Variants in PSD3 observed in about 807,000 individuals in gnomAD.
PSD3 encodes PH and SEC7 domain-containing protein 3.
Under a neutral mutation model 105.5 loss-of-function variants are expected in PSD3, and 49 were observed. That is an observed-to-expected ratio of 0.46 (90% confidence interval 0.37 to 0.59). The LOEUF (loss-of-function observed/expected upper bound fraction) is 0.59. Among genes scored for constraint, PSD3 ranks in the 20% least tolerant of loss-of-function variants. The probability of loss-of-function intolerance (pLI) is 0.00; values close to 1 mark genes in which losing one functional copy is unlikely to be tolerated. For missense variants in PSD3, 1,561 were observed against 1,263.8 expected (o/e 1.24, Z -3.57); for synonymous variants, 557 against 457.8 (o/e 1.22, Z -2.77).
chr8:18,730,646 G>A (rs1028635445), intron 9 of PSD3, among the ~76,000 whole-genome samples: 2 of 152,144 alleles, frequency 1.3e-5, no homozygotes, highest in South Asian at 2.1e-4. Flanking sequence ...GCTATACACT[G>A]TTTACACATA....
At position 18,535,413 on chromosome 8, in the gene PSD3, T is replaced by C. The variant is rs1240958335; in HGVS notation, c.*330A>G. 1.5e-5 allele frequency: 4 copies of C among 263,718 alleles called. No individual in the cohort carries two copies. Among genetic ancestry groups the C allele is most frequent in the South Asian group, 6.7e-5 (1 of 15,000 alleles). The allele number at this position is 263,718 out of a possible 1,614,324, so 16.3% of individuals were successfully genotyped here. On this transcript the variant is annotated 3_prime_UTR_variant, in exon 16 of 16. Coordinates refer to ENST00000327040, the MANE Select transcript of PSD3 (RefSeq NM_015310.4). Reference sequence around the variant, plus strand: ...TTAACCTTAAAAAAAAGTTTAACAGTTGATATGAGAATACATAAAACAACT... The same window carrying C: ...TTAACCTTAAAAAAAAGTTTAACAGCTGATATGAGAATACATAAAACAACT...
At chr8:18,912,989 G>T (rs1820335821) in intron 2 of PSD3, among the ~76,000 whole-genome samples, 1 of 150,962 alleles carries the variant, frequency 6.6e-6, no homozygotes, top group Non-Finnish European at 1.5e-5. Flanking sequence ...TTAAGAAACG[G>T]CCACCATCTA....
At chr8:18,993,871 T>C (rs1825931528) in intron 1 of PSD3, among the ~76,000 whole-genome samples, 1 of 149,526 alleles carries the variant, frequency 6.7e-6, no homozygotes, top group Non-Finnish European at 1.5e-5. Flanking sequence ...TCAAACAATT[T>C]GATTATATCA....
intron 9 of PSD3, among the ~76,000 whole-genome samples, chr8:18,753,185 T>C (rs987782354): frequency 2.6e-5 from 4 of 151,972 alleles, no homozygotes; most frequent in African/African-American, 9.7e-5. Flanking sequence ...TGAAATCCCA[T>C]CTCTACTAAA....
At chr8:18,896,367 A>G (rs542261028) in intron 2 of PSD3, among the ~76,000 whole-genome samples, 45 of 152,270 alleles carry the variant, frequency 3.0e-4, no homozygotes, top group Middle Eastern at 3.4e-3. Flanking sequence ...TGAGAGCTCT[A>G]TTTTTAGTTT....
intron 8 of PSD3, among the ~76,000 whole-genome samples, chr8:18,788,741 T>G (rs1277132118): frequency 6.6e-6 from 1 of 152,148 alleles, no homozygotes; most frequent in Admixed American, 6.5e-5. Context: ...CATATGACAA[T>G]TCCACCTCCT....
At chr8:18,957,711 C>T (rs999356931) in intron 1 of PSD3, among the ~76,000 whole-genome samples, 44 of 152,220 alleles carry the variant, frequency 2.9e-4, no homozygotes, top group African/African-American at 1.0e-3. Flanking sequence ...TCCTGCTCAT[C>T]TAGAACACAG....
Position 18,804,543 on chromosome 8 carries a change from A to T in PSD3, c.1889T>A (p.Met630Lys). 1 of 1,612,908 alleles carries T rather than the reference A, an allele frequency of 6.2e-7. No homozygotes were observed. Among genetic ancestry groups the T allele is most frequent in the South Asian group, 1.1e-5 (1 of 91,032 alleles). ...EYLKFFDFTG[M>K]TLDQSLRYFF... ...ATACCTGAGTGACTGATCCAGCGTC[A>T]TTCCTGTAAAATCAAAAAACTTCAG... The change falls in exon 6 of 16, where the codon ATG becomes AAG. Residue 630 changes from methionine to lysine, a missense_variant. Met to Lys is a moderately conservative substitution (Grantham distance 95, BLOSUM62 -1). Coordinates refer to ENST00000327040, the MANE Select transcript of PSD3 (RefSeq NM_015310.4).
At chr8:18,718,264 T>A (rs1161283269) in intron 9 of PSD3, among the ~76,000 whole-genome samples, 1 of 152,234 alleles carries the variant, frequency 6.6e-6, no homozygotes, top group Non-Finnish European at 1.5e-5. Flanking sequence ...TCATCTACAT[T>A]CATCTAGAAT....
intron 4 of PSD3, among the ~76,000 whole-genome samples, chr8:18,829,449 A>T (rs1022417084): frequency 6.6e-6 from 1 of 152,172 alleles, no homozygotes; most frequent in African/African-American, 2.4e-5. Context: ...CCCTTTATCT[A>T]AAACGTTCTA....
chr8:18,727,551 A>ACACACAC (rs1803419440), intron 9 of PSD3, among the ~76,000 whole-genome samples: 1 of 137,628 alleles, frequency 7.3e-6, no homozygotes, highest in African/African-American at 2.7e-5. Context: ...AAAAAATCCA[A>ACACACAC]ACACACACAC....
chr8:19,054,805 C>A (rs80248908), intron 1 of PSD3, among the ~76,000 whole-genome samples: 3,887 of 152,232 alleles, frequency 0.026, 174 homozygotes, highest in African/African-American at 0.088. Flanking sequence ...TCCTGATAGA[C>A]CTGAAATTCT....
At chr8:19,042,978 C>T (rs1828177589) in intron 1 of PSD3, among the ~76,000 whole-genome samples, 1 of 152,110 alleles carries the variant, frequency 6.6e-6, no homozygotes, top group South Asian at 2.1e-4. Context: ...GAGGTACTGA[C>T]AAAAAGAAAT....
chr8:18,542,886 CTT>C (rs1268183158), intron 15 of PSD3, among the ~76,000 whole-genome samples: 1 of 152,120 alleles, frequency 6.6e-6, no homozygotes, highest in Non-Finnish European at 1.5e-5. Flanking sequence ...AAGATTTTAT[CTT>C]TGTCTCTGCA....
intron 1 of PSD3, among the ~76,000 whole-genome samples, chr8:19,045,780 G>C (rs370658947): frequency 6.6e-6 from 1 of 152,160 alleles, no homozygotes; most frequent in African/African-American, 2.4e-5. Flanking sequence ...GTTAACATTT[G>C]TGGGTCACCT....
chr8:18,535,105 A>G lies in PSD3; in HGVS notation c.*638T>C, dbSNP rs1293450652. The G allele has an allele frequency of 6.5e-6, 1 of 152,756 alleles. No homozygotes were observed. The highest frequency in any genetic ancestry group is 1.5e-5 in the Non-Finnish European group (1 of 68,152). The allele number at this position is 152,756 out of a possible 1,614,324, so 9.5% of individuals were successfully genotyped here. The stretch of plus-strand genomic sequence containing the variant: ...ATGGAATCAGCACTTCAAGCAAGCT[A>G]ATGTGCTTCCCTAAGTTCTCAATCC... On this transcript the variant is annotated 3_prime_UTR_variant, in exon 16 of 16. Transcript: ENST00000327040.
chr8:18,895,873 G>A (rs780449251), intron 2 of PSD3, among the ~76,000 whole-genome samples: 12 of 152,132 alleles, frequency 7.9e-5, no homozygotes, highest in Admixed American at 2.0e-4. Flanking sequence ...TACTCACCCA[G>A]TCCTGCTATA....
chr8:18,619,788 A>G (rs984724405), intron 11 of PSD3, among the ~76,000 whole-genome samples: 2 of 152,238 alleles, frequency 1.3e-5, no homozygotes, highest in Non-Finnish European at 1.5e-5. Context: ...ATAGCATCAC[A>G]TGACAGCAGA....
At chr8:18,737,866 G>A (rs182441887) in intron 9 of PSD3, among the ~76,000 whole-genome samples, 8 of 152,232 alleles carry the variant, frequency 5.3e-5, no homozygotes, top group African/African-American at 1.9e-4. Flanking sequence ...ACTTGAGCCT[G>A]ATTTCCTATT....
Sources: gnomAD v4.1 joint callset for allele counts (sites outside exome capture counted in the v4.1 genomes callset) on GRCh38, gnomAD v4.1.1 for gene constraint, MANE v1.5 for transcripts, NCBI Gene and HGNC (gene_info 2026-07-23, HGNC 2026-07-21) for gene names.